Variants in KIAA0319L observed in about 807,000 individuals in gnomAD.
The protein encoded by KIAA0319L is dyslexia-associated protein KIAA0319-like protein.
A neutral mutation model predicts 120.1 loss-of-function variants in KIAA0319L; 55 were observed. The observed-to-expected ratio is 0.46, with a 90% confidence interval of 0.37 to 0.57. KIAA0319L has a LOEUF of 0.57. Ranked by LOEUF, KIAA0319L falls within the 20% of genes least tolerant of loss-of-function variation. KIAA0319L has a pLI of 0.00. For missense variants in KIAA0319L, 1,049 were observed against 1,255.3 expected, an observed-to-expected ratio of 0.84 and a Z score of 2.48; for synonymous variants, 398 against 471.9, an observed-to-expected ratio of 0.84 and a Z score of 2.03.
chr1:35,450,370 G>T lies in KIAA0319L; in HGVS notation c.2202C>A (p.Ser734Arg). 6.2e-7 allele frequency: 1 copy of T among 1,613,676 alleles called. No homozygotes were observed. The highest frequency in any genetic ancestry group is 8.5e-7 in the Non-Finnish European group (1 of 1,179,808). ...VSYLWTRDEG[S>R]PAAGEVLNHS... ...CTAGCACACTTACCCCTGCTGCTGG[G>T]CTCCCCTCATCTCGAGTCCAGAGGT... Residue 734 changes from serine to arginine, a missense_variant, in exon 14 of 21, where the codon AGC (serine) becomes AGA (arginine). Transcript: ENST00000325722.
At chr1:35,530,690 G>C (rs1320383287) in intron 2 of KIAA0319L, among the ~76,000 whole-genome samples, 1 of 152,180 alleles carries the variant, frequency 6.6e-6, no homozygotes, top group Non-Finnish European at 1.5e-5. Context: ...TGTATATCAA[G>C]TGTAACAGTC....
intron 2 of KIAA0319L, among the ~76,000 whole-genome samples, chr1:35,548,452 T>G (rs1647068863): frequency 6.6e-6 from 1 of 152,210 alleles, no homozygotes; most frequent in Non-Finnish European, 1.5e-5. Flanking sequence ...AGCATTAAAG[T>G]ATTATAGTGT....
chr1:35,486,559 C>A (rs890827230), intron 3 of KIAA0319L, among the ~76,000 whole-genome samples: 2 of 151,574 alleles, frequency 1.3e-5, no homozygotes, highest in Non-Finnish European at 1.5e-5. Context: ...TTCTATTTTC[C>A]CATTTTTAAC....
At chr1:35,535,311 T>C (rs568200773) in intron 2 of KIAA0319L, among the ~76,000 whole-genome samples, 1 of 152,248 alleles carries the variant, frequency 6.6e-6, no homozygotes, top group East Asian at 1.9e-4. Flanking sequence ...CCCAAGGTAA[T>C]GTTCATACAT....
chr1:35,531,254 A>G (rs544717295), intron 2 of KIAA0319L, among the ~76,000 whole-genome samples: 1 of 152,148 alleles, frequency 6.6e-6, no homozygotes, highest in African/African-American at 2.4e-5. Context: ...GCACTTTGGC[A>G]CCCTTTGTCC....
intron 3 of KIAA0319L, among the ~76,000 whole-genome samples, chr1:35,484,147 C>T (rs147525008): frequency 5.3e-5 from 8 of 152,268 alleles, no homozygotes; most frequent in East Asian, 3.9e-4. Context: ...GACATGAATG[C>T]GGGGAGGGGA....
Position 35,453,731 on chromosome 1 carries a change from G to T in KIAA0319L, c.1781-42C>A, listed in dbSNP as rs1171750984. On this transcript the variant is annotated intron_variant, in intron 11 of 20. Coordinates refer to ENST00000325722, the MANE Select transcript of KIAA0319L (RefSeq NM_024874.5). The surrounding 1 kb of genome is among the most constrained non-coding windows in gnomAD (Gnocchi z 4.1). ...TAGAGGTCAAAAGCAGCCAGTCCAG[G>T]TGGGAAAGGAGAGGAACCAATTGGG... The T allele has an allele frequency of 7.5e-6, 12 of 1,590,808 alleles. No homozygotes were observed. The highest frequency in any genetic ancestry group is 2.3e-5 in the South Asian group (2 of 88,836).
At chr1:35,498,325 C>T (rs1644886069) in intron 3 of KIAA0319L, among the ~76,000 whole-genome samples, 1 of 150,950 alleles carries the variant, frequency 6.6e-6, no homozygotes, top group South Asian at 2.1e-4. Context: ...AAGTGCGAAA[C>T]TCCCATCTCG....
At chr1:35,454,234 C>CA in intron 11 of KIAA0319L, 128 bp downstream of exon 11, 1 of 896,816 alleles carries the variant, frequency 1.1e-6, no homozygotes, top group Non-Finnish European at 1.7e-6. Context: ...CAATAGAAGT[C>CA]ACCAGAGGCT....
intron 20 of KIAA0319L, chr1:35,439,306 G>A (rs1558255183): frequency 6.6e-6 from 1 of 152,160 alleles, no homozygotes; most frequent in Non-Finnish European, 1.5e-5. Flanking sequence ...CCAGGTCTCA[G>A]CTTAAGTGTT....
At chr1:35,525,018 C>T (rs961928035) in intron 2 of KIAA0319L, among the ~76,000 whole-genome samples, 8 of 152,138 alleles carry the variant, frequency 5.3e-5, no homozygotes, top group Admixed American at 5.2e-4. Flanking sequence ...CTACATCCTT[C>T]CCAGCTTCAG....
intron 3 of KIAA0319L, among the ~76,000 whole-genome samples, chr1:35,485,652 G>A (rs2148337353): frequency 6.6e-6 from 1 of 152,218 alleles, no homozygotes; most frequent in East Asian, 1.9e-4. Context: ...TACTCCAACA[G>A]GCACTGCAAC....
At chr1:35,447,258 C>T (rs966775373) in intron 16 of KIAA0319L, among the ~76,000 whole-genome samples, 1 of 145,100 alleles carries the variant, frequency 6.9e-6, no homozygotes, top group Admixed American at 6.9e-5. Context: ...AAAAAAAAAT[C>T]AAATTATGGA....
At chr1:35,441,265 C>A (rs1641196188) in intron 19 of KIAA0319L, 127 bp from the exon 20 acceptor site, 1 of 748,708 alleles carries the variant, frequency 1.3e-6, no homozygotes, top group Non-Finnish European at 2.3e-6. Flanking sequence ...CCTCTCCTCA[C>A]TTCTCAGCCA....
At chr1:35,477,958 T>C (rs1440471923) in intron 4 of KIAA0319L, among the ~76,000 whole-genome samples, 1 of 152,208 alleles carries the variant, frequency 6.6e-6, no homozygotes, top group African/African-American at 2.4e-5. Context: ...ACTCCCATGT[T>C]TGCAGCACTG....
intron 12 of KIAA0319L, among the ~76,000 whole-genome samples, chr1:35,452,336 A>T (rs1443025682): frequency 6.6e-6 from 1 of 152,128 alleles, no homozygotes. Flanking sequence ...CACCTAGGAC[A>T]CCCTACAACC....
intron 3 of KIAA0319L, among the ~76,000 whole-genome samples, chr1:35,494,015 C>T (rs1314733781): frequency 1.3e-5 from 2 of 152,090 alleles, no homozygotes; most frequent in East Asian, 3.8e-4. Context: ...ATCTACACTC[C>T]CAATACAATC....
intron 3 of KIAA0319L, among the ~76,000 whole-genome samples, chr1:35,494,861 G>A (rs543293217): frequency 6.6e-6 from 1 of 150,950 alleles, no homozygotes; most frequent in Non-Finnish European, 1.5e-5. Context: ...TGTCAATATA[G>A]GCAAACAGAT....
chr1:35,452,112 T>C (rs1447488057), intron 12 of KIAA0319L, among the ~76,000 whole-genome samples: 1 of 152,180 alleles, frequency 6.6e-6, no homozygotes, highest in African/African-American at 2.4e-5. Flanking sequence ...GATTTAAGAG[T>C]GATGTTTCTA....
Sources: gnomAD v4.1 joint callset for allele counts (sites outside exome capture counted in the v4.1 genomes callset) on GRCh38, gnomAD v4.1.1 for gene constraint, Gnocchi (gnomAD v3.1) non-coding constraint, MANE v1.5 for transcripts, NCBI Gene and HGNC (gene_info 2026-07-23, HGNC 2026-07-21) for gene names.